The following MYT1L variants were observed in gnomAD, a reference collection of about 807,000 sequenced individuals.
MYT1L encodes the protein myelin transcription factor 1 like.
MYT1L carries 12 observed loss-of-function variants against 126.7 expected under a neutral mutation model. That is an observed-to-expected ratio of 0.09 (90% CI 0.06 to 0.15). The LOEUF is 0.15. Ranked by LOEUF, MYT1L falls within the 10% of genes least tolerant of loss-of-function variation. MYT1L has a pLI of 1.00. For synonymous variants in MYT1L, 541 were observed against 604.2 expected, an observed-to-expected ratio of 0.90 and a Z score of 1.53; for missense variants, 979 against 1,585.2, an observed-to-expected ratio of 0.62 and a Z score of 6.49.
At chr2:2,182,908 G>T (rs950214291) in intron 2 of MYT1L, among the ~76,000 whole-genome samples, 9 of 152,154 alleles carry the variant, frequency 5.9e-5, no homozygotes, top group African/African-American at 2.2e-4. Flanking sequence ...GAAGGAGGGA[G>T]GTCATCGCTT....
At chr2:1,850,063 G>A (rs1384398204) in intron 19 of MYT1L, among the ~76,000 whole-genome samples, 3 of 151,750 alleles carry the variant, frequency 2.0e-5, no homozygotes, top group Admixed American at 6.6e-5. Flanking sequence ...TGCTGACAGT[G>A]TCTTTAACTC....
At chr2:2,287,503 C>G (rs754453634) in intron 1 of MYT1L, among the ~76,000 whole-genome samples, 4 of 152,054 alleles carry the variant, frequency 2.6e-5, no homozygotes, top group Non-Finnish European at 5.9e-5. Context: ...ATGAGTCAGT[C>G]CCAGTCTTTT....
At chr2:1,826,441 C>A (rs1218339989) in intron 21 of MYT1L, among the ~76,000 whole-genome samples, 3 of 152,124 alleles carry the variant, frequency 2.0e-5, no homozygotes, top group Non-Finnish European at 2.9e-5. Context: ...CGCGCTCCAC[C>A]CTGGTCAGCG....
At chr2:2,193,105 G>A (rs560871672) in intron 2 of MYT1L, among the ~76,000 whole-genome samples, 1 of 152,164 alleles carries the variant, frequency 6.6e-6, no homozygotes, top group East Asian at 1.9e-4. Flanking sequence ...AGCCTCCCAA[G>A]TAGCTGGGAT....
intron 2 of MYT1L, among the ~76,000 whole-genome samples, chr2:2,221,639 G>T (rs993859529): frequency 6.6e-6 from 1 of 152,172 alleles, no homozygotes; most frequent in African/African-American, 2.4e-5. Context: ...CGCCGCCCAG[G>T]CTCCCTCAGG....
At chr2:2,168,949 C>A (rs1460622544) in intron 3 of MYT1L, among the ~76,000 whole-genome samples, 2 of 152,192 alleles carry the variant, frequency 1.3e-5, no homozygotes, top group African/African-American at 4.8e-5. Context: ...CTGTCCACTT[C>A]TTATTTTAAA....
At chr2:2,166,898 CTTTT>C (rs1178290246) in intron 3 of MYT1L, among the ~76,000 whole-genome samples, 2 of 152,130 alleles carry the variant, frequency 1.3e-5, no homozygotes, top group Non-Finnish European at 2.9e-5. Flanking sequence ...CTGCATCCTG[CTTTT>C]TTCTTTAACA....
intron 2 of MYT1L, among the ~76,000 whole-genome samples, chr2:2,194,274 CT>C (rs909556603): frequency 2.7e-4 from 41 of 152,070 alleles, no homozygotes; most frequent in African/African-American, 9.2e-4. Flanking sequence ...AAGATGAGGT[CT>C]TGCTATGTTG....
intron 14 of MYT1L, among the ~76,000 whole-genome samples, chr2:1,892,708 C>A (rs534541165): frequency 2.6e-5 from 4 of 152,192 alleles, no homozygotes; most frequent in Non-Finnish European, 4.4e-5. Context: ...GTGAGTGGGG[C>A]TCCTCCGCAG....
At chr2:2,064,766 C>T (rs992087353) in intron 3 of MYT1L, among the ~76,000 whole-genome samples, 2 of 152,122 alleles carry the variant, frequency 1.3e-5, no homozygotes, top group African/African-American at 4.8e-5. Flanking sequence ...AATAAAAATA[C>T]ATTTCAGAAA....
At chr2:1,971,679 T>G (rs1318478316) in intron 8 of MYT1L, among the ~76,000 whole-genome samples, 1 of 152,122 alleles carries the variant, frequency 6.6e-6, no homozygotes, top group Non-Finnish European at 1.5e-5. Flanking sequence ...TGCAGTGAGC[T>G]GAGATCGTGC....
intron 3 of MYT1L, among the ~76,000 whole-genome samples, chr2:2,088,222 A>G (rs1197586826): frequency 2.0e-5 from 3 of 152,228 alleles, no homozygotes; most frequent in African/African-American, 7.2e-5. Flanking sequence ...GCATCACCGA[A>G]GAGAAGGTGA....
intron 3 of MYT1L, among the ~76,000 whole-genome samples, chr2:2,103,716 T>G (rs2078393144): frequency 1.3e-5 from 2 of 152,336 alleles, no homozygotes; most frequent in South Asian, 2.1e-4. Flanking sequence ...TGCAGCTGCT[T>G]CTTTTCTCAC....
chr2:2,222,668 G>A (rs1031669246), intron 2 of MYT1L, among the ~76,000 whole-genome samples: 1 of 151,998 alleles, frequency 6.6e-6, no homozygotes, highest in Admixed American at 6.6e-5. Flanking sequence ...TAAGATGTAA[G>A]ATGGACTCCA....
chr2:2,014,113 A>C (rs2064118073), intron 4 of MYT1L, among the ~76,000 whole-genome samples: 1 of 152,160 alleles, frequency 6.6e-6, no homozygotes, highest in Non-Finnish European at 1.5e-5. Flanking sequence ...CACCTTTTAA[A>C]TGAAATAAAA....
intron 5 of MYT1L, among the ~76,000 whole-genome samples, chr2:1,981,695 G>A (rs1376212375): frequency 6.6e-6 from 1 of 152,200 alleles, no homozygotes; most frequent in Non-Finnish European, 1.5e-5. Context: ...AGCATGGGGA[G>A]GACGAGTCGC....
intron 3 of MYT1L, among the ~76,000 whole-genome samples, chr2:2,171,423 G>T (rs1432764767): frequency 6.6e-6 from 1 of 152,112 alleles, no homozygotes; most frequent in East Asian, 1.9e-4. Flanking sequence ...GTTCAACAAA[G>T]CCACATGTAA....
At chr2:1,840,322 C>T (rs79281357) in intron 20 of MYT1L, among the ~76,000 whole-genome samples, 8,392 of 152,176 alleles carry the variant, frequency 0.055, 252 homozygotes, top group South Asian at 0.099. Context: ...GTGTCCACTG[C>T]AGCCCCAAGC....
intron 18 of MYT1L, among the ~76,000 whole-genome samples, chr2:1,883,399 A>C (rs1159017934): frequency 6.6e-6 from 1 of 152,182 alleles, no homozygotes; most frequent in African/African-American, 2.4e-5. Flanking sequence ...AAGAAAATGA[A>C]AAAGAAAAAG....
Sources: gnomAD v4.1 joint callset for allele counts (sites outside exome capture counted in the v4.1 genomes callset) on GRCh38, gnomAD v4.1.1 for gene constraint, MANE v1.5 for transcripts, NCBI Gene and HGNC (gene_info 2026-07-23, HGNC 2026-07-21) for gene names.